Variants in ARL15 observed in about 807,000 individuals in gnomAD.
The protein encoded by ARL15 is ARF like GTPase 15.
ARL15 carries 19 observed loss-of-function variants against 25.2 expected under a neutral mutation model. That is an observed-to-expected ratio of 0.75 (90% CI 0.53 to 1.10). The LOEUF is 1.10. Among genes scored for constraint, ARL15 ranks in the 50% least tolerant of loss-of-function variants. ARL15 has a pLI of 0.00. For synonymous variants in ARL15, 94 were observed against 86.8 expected (o/e 1.08, Z -0.46); for missense variants, 220 against 246.0 (o/e 0.89, Z 0.71).
At chr5:54,049,935 G>A (rs965285749) in intron 4 of ARL15, among the ~76,000 whole-genome samples, 2 of 152,036 alleles carry the variant, frequency 1.3e-5, no homozygotes, top group Non-Finnish European at 2.9e-5. Context: ...CAATAAGAAC[G>A]GGCAGACAAG....
At chr5:54,091,781 GAA>G (rs568059007) in intron 4 of ARL15, among the ~76,000 whole-genome samples, 1 of 145,472 alleles carries the variant, frequency 6.9e-6, no homozygotes, top group African/African-American at 2.5e-5. Flanking sequence ...AGGAAACACA[GAA>G]AAAAAAAAAA....
chr5:54,198,298 C>A (rs1253034301), intron 1 of ARL15, among the ~76,000 whole-genome samples: 1 of 152,106 alleles, frequency 6.6e-6, no homozygotes, highest in Non-Finnish European at 1.5e-5. Flanking sequence ...CTGGCCGGGG[C>A]AATCAGGCAG....
chr5:53,966,631 A>G (rs1416280161), intron 4 of ARL15, among the ~76,000 whole-genome samples: 1 of 152,218 alleles, frequency 6.6e-6, no homozygotes, highest in Non-Finnish European at 1.5e-5. Flanking sequence ...ATTGGAGGCC[A>G]CTGCAGAATT....
chr5:54,264,967 T>G (rs1317624094), intron 1 of ARL15, among the ~76,000 whole-genome samples: 1 of 152,142 alleles, frequency 6.6e-6, no homozygotes, highest in Non-Finnish European at 1.5e-5. Flanking sequence ...AGGGGAGAGA[T>G]TTTGTCTTTG....
At chr5:54,218,348 T>C (rs1420534208) in intron 1 of ARL15, among the ~76,000 whole-genome samples, 1 of 152,212 alleles carries the variant, frequency 6.6e-6, no homozygotes, top group Non-Finnish European at 1.5e-5. Context: ...AAGACGGCTA[T>C]GCCTATTGCT....
intron 4 of ARL15, among the ~76,000 whole-genome samples, chr5:53,984,763 C>CT (rs1034867775): frequency 1.8e-4 from 27 of 152,104 alleles, no homozygotes; most frequent in African/African-American, 6.5e-4. Context: ...ATTATTCTGC[C>CT]TTCAATTTAC....
At chr5:54,143,591 G>A (rs984364827) in intron 3 of ARL15, among the ~76,000 whole-genome samples, 10 of 151,762 alleles carry the variant, frequency 6.6e-5, no homozygotes, top group Admixed American at 1.3e-4. Context: ...ACAGATATAC[G>A]TGTTTTCTAT....
At chr5:54,240,341 T>C (rs1756927842) in intron 1 of ARL15, among the ~76,000 whole-genome samples, 1 of 151,814 alleles carries the variant, frequency 6.6e-6, no homozygotes, top group Non-Finnish European at 1.5e-5. Context: ...TTTAATTTAC[T>C]TCAAATTAAA....
At chr5:53,996,069 T>C (rs373132879) in intron 4 of ARL15, among the ~76,000 whole-genome samples, 24 of 152,318 alleles carry the variant, frequency 1.6e-4, no homozygotes, top group African/African-American at 5.5e-4. Context: ...ATAATTCTCA[T>C]TGGCTTCTTC....
chr5:54,130,820 T>G (rs796972425), intron 3 of ARL15, among the ~76,000 whole-genome samples: 13 of 152,270 alleles, frequency 8.5e-5, no homozygotes, highest in African/African-American at 3.1e-4. Flanking sequence ...AAGCCATGGT[T>G]TGAAGGAAAC....
At chr5:54,192,627 A>C (rs1007249077) in intron 1 of ARL15, among the ~76,000 whole-genome samples, 1 of 123,788 alleles carries the variant, frequency 8.1e-6, no homozygotes, top group African/African-American at 3.1e-5. Flanking sequence ...CTAGAATTAT[A>C]ACACTAAGGT....
rs73754403 is a variant in ARL15 at position 53,975,580 on chromosome 5, A to G, written c.463-88867T>C. Among the ~76,000 whole-genome samples, 953 of 152,346 alleles carry G rather than the reference A, an allele frequency of 6.3e-3. 13 individuals carry two copies. Among genetic ancestry groups the G allele is most frequent in the African/African-American group, 0.022 (900 of 41,590 alleles). ...TCTAATTCTGTTCCCTCTCTTGGCA[A>G]TACTTGCTGGCTTTATTTGACATTG... is the stretch of plus-strand genomic sequence containing the variant. On this transcript the variant is annotated intron_variant, in intron 4 of 4. Transcript: ENST00000504924.
In ARL15 at chr5:53,886,614, A is replaced by C. The variant is rs769547145; in HGVS notation, c.562T>G (p.Ser188Ala). ...TCTTCTAACAAATTAATCAGCTGAG[A>C]GAAGCTGTCTTTCAGTGCATCCATG... ...DDMDALKDSFSQLINLLEEKD... is the reference protein window; with the variant it reads ...DDMDALKDSFAQLINLLEEKD... The change falls in exon 5 of 5, where the codon TCT (serine) becomes GCT (alanine). Residue 188 changes from serine to alanine, a missense_variant. Coordinates refer to ENST00000504924, the MANE Select transcript of ARL15 (RefSeq NM_019087.3). The C allele has an allele frequency of 3.8e-6, 6 of 1,565,542 alleles. No homozygotes were observed. The South Asian group carries it at 7.1e-5, about 18-fold the overall frequency.
intron 4 of ARL15, among the ~76,000 whole-genome samples, chr5:54,049,178 C>T (rs577952212): frequency 1.1e-4 from 16 of 152,046 alleles, no homozygotes; most frequent in South Asian, 2.1e-4. Context: ...ATAATGTCTA[C>T]GTGTATACCT....
At chr5:54,099,526 T>G (rs574273788) in intron 4 of ARL15, among the ~76,000 whole-genome samples, 1 of 152,164 alleles carries the variant, frequency 6.6e-6, no homozygotes, top group Non-Finnish European at 1.5e-5. Flanking sequence ...TTTTTTACAT[T>G]TGGAATTTAT....
At chr5:53,914,620 C>T (rs1167697065) in intron 4 of ARL15, among the ~76,000 whole-genome samples, 1 of 152,174 alleles carries the variant, frequency 6.6e-6, no homozygotes, top group Admixed American at 6.5e-5. Context: ...GCTCAGAGAG[C>T]TTTGCCCAAA....
At chr5:53,933,355 T>C (rs183345046) in intron 4 of ARL15, among the ~76,000 whole-genome samples, 18 of 152,040 alleles carry the variant, frequency 1.2e-4, no homozygotes, top group Admixed American at 1.0e-3. Context: ...TCAGTAAAGA[T>C]GGAGAAAAAG....
At chr5:54,283,299 GA>G (rs1432123197) in intron 1 of ARL15, among the ~76,000 whole-genome samples, 1 of 152,166 alleles carries the variant, frequency 6.6e-6, no homozygotes, top group Non-Finnish European at 1.5e-5. Context: ...CTGTATGATT[GA>G]AGGAATTTGG....
intron 1 of ARL15, among the ~76,000 whole-genome samples, chr5:54,175,695 C>T (rs1754852875): frequency 1.3e-5 from 2 of 148,516 alleles, no homozygotes; most frequent in South Asian, 4.2e-4. Context: ...CTCTGTCACT[C>T]AGGCTGGAGT....
Sources: gnomAD v4.1 joint callset for allele counts (sites outside exome capture counted in the v4.1 genomes callset) on GRCh38, gnomAD v4.1.1 for gene constraint, MANE v1.5 for transcripts, NCBI Gene and HGNC (gene_info 2026-07-23, HGNC 2026-07-21) for gene names.